Variants in RALYL observed in about 807,000 individuals in gnomAD.
RALYL encodes the protein RNA-binding Raly-like protein.
A neutral mutation model predicts 35.1 loss-of-function variants in RALYL; 29 were observed. The ratio of observed to expected loss-of-function variants is 0.83; its 90% CI spans 0.61 to 1.13. RALYL has a LOEUF of 1.13. Among genes scored for constraint, RALYL ranks in the 50% most tolerant of loss-of-function variants. The probability of loss-of-function intolerance (pLI) is 0.00; values close to 1 mark genes in which losing one functional copy is unlikely to be tolerated. For missense variants in RALYL, 359 were observed against 360.4 expected (o/e 1.00, Z 0.03); for synonymous variants, 120 against 127.6 (o/e 0.94, Z 0.40).
At chr8:84,260,997 T>C (rs1338482835) in intron 1 of RALYL, among the ~76,000 whole-genome samples, 1 of 152,180 alleles carries the variant, frequency 6.6e-6, no homozygotes, top group East Asian at 1.9e-4. Flanking sequence ...CTTGAATTTT[T>C]ATGATCTATA....
chr8:84,282,246 T>C (rs182754112), intron 1 of RALYL, among the ~76,000 whole-genome samples: 1 of 151,980 alleles, frequency 6.6e-6, no homozygotes, highest in Non-Finnish European at 1.5e-5. Flanking sequence ...AAATTATAAT[T>C]TTGTGTATGT....
intron 4 of RALYL, among the ~76,000 whole-genome samples, chr8:84,817,863 C>T (rs1044205297): frequency 6.6e-6 from 1 of 152,160 alleles, no homozygotes; most frequent in African/African-American, 2.4e-5. Flanking sequence ...TCATAACTAA[C>T]TCTTAACAGC....
At chr8:84,556,019 G>A (rs140405284) in intron 2 of RALYL, among the ~76,000 whole-genome samples, 169 of 152,278 alleles carry the variant, frequency 1.1e-3, no homozygotes, top group African/African-American at 3.9e-3. Context: ...TCTACAGCAT[G>A]TCTGTATGGT....
intron 2 of RALYL, among the ~76,000 whole-genome samples, chr8:84,708,069 T>C (rs1178899946): frequency 6.6e-6 from 1 of 152,116 alleles, no homozygotes; most frequent in Non-Finnish European, 1.5e-5. Context: ...AAAAATGAGA[T>C]AGTACATAAA....
chr8:84,494,407 A>T (rs941504704), intron 1 of RALYL, among the ~76,000 whole-genome samples: 1 of 152,096 alleles, frequency 6.6e-6, no homozygotes, highest in Non-Finnish European at 1.5e-5. Context: ...TTCCATATGA[A>T]TTTTAAAGTA....
chr8:84,701,470 C>CT (rs1840179228), intron 2 of RALYL, among the ~76,000 whole-genome samples: 1 of 152,156 alleles, frequency 6.6e-6, no homozygotes, highest in Non-Finnish European at 1.5e-5. Context: ...TCTATACACT[C>CT]TATATACAGT....
At chr8:84,656,426 A>G (rs1042226854) in intron 2 of RALYL, among the ~76,000 whole-genome samples, 1 of 152,192 alleles carries the variant, frequency 6.6e-6, no homozygotes, top group Non-Finnish European at 1.5e-5. Flanking sequence ...GGAAATATAG[A>G]GAGAAATAAT....
At chr8:84,492,751 A>G (rs191134678) in intron 1 of RALYL, among the ~76,000 whole-genome samples, 5 of 147,766 alleles carry the variant, frequency 3.4e-5, no homozygotes, top group South Asian at 4.1e-4. Flanking sequence ...GAATAAATAT[A>G]TCTTTCAAAA....
chr8:84,498,249 T>C lies in RALYL; in HGVS notation c.-23-31050T>C, dbSNP rs1334211344. ...AAAAGAGTTTTGCGGTCCAAATGAATATGCTCTCTTCAGCTTGCGAGTTGT... is the reference window on the plus strand; with the variant it reads ...AAAAGAGTTTTGCGGTCCAAATGAACATGCTCTCTTCAGCTTGCGAGTTGT... On this transcript the variant is annotated intron_variant, in intron 1 of 8. Transcript: ENST00000521268. 3.3e-5 allele frequency among the ~76,000 whole-genome samples: 5 copies of C among 152,020 alleles called. No homozygotes were observed. In the East Asian group the frequency reaches 7.8e-4, roughly 24 times the overall value.
rs974996804 is a variant in RALYL, at chr8:84,797,644, TA to T, written c.333-7117del. ...CCTTTGGAGAAAAAAAGTATGCAGT[TA>T]AAAAAAAAGAAGTCCTGTATTCCCT... On this transcript the variant is annotated intron_variant, in intron 3 of 8. Coordinates refer to ENST00000521268, the MANE Select transcript of RALYL (RefSeq NM_173848.7). Among the ~76,000 whole-genome samples the T allele has an allele frequency of 4.0e-5, 6 of 151,182 alleles. No homozygotes were observed. In the East Asian group the frequency reaches 5.8e-4, roughly 15 times the overall value.
chr8:84,503,130 AG>A (rs1554696252), intron 1 of RALYL, among the ~76,000 whole-genome samples: 1 of 151,976 alleles, frequency 6.6e-6, no homozygotes, highest in Non-Finnish European at 1.5e-5. Flanking sequence ...AAAGGCAAAA[AG>A]GGCCTCACTC....
Position 84,873,267 on chromosome 8 carries a change from TTCTTTC to T in RALYL, c.572-15_572-10del. On this transcript the variant is annotated splice_polypyrimidine_tract_variant and intron_variant, in intron 6 of 8. Coordinates refer to ENST00000521268, the MANE Select transcript of RALYL (RefSeq NM_173848.7). Reference sequence around the variant, plus strand: ...ATTTGATGCTCTGTTGTTTTCTTCCTTCTTTCTACTTTCCAGTGAAATCAGATGAGT... The same window carrying T: ...ATTTGATGCTCTGTTGTTTTCTTCCTTACTTTCCAGTGAAATCAGATGAGT... 1 of 1,429,186 alleles carries T rather than the reference TTCTTTC, an allele frequency of 7.0e-7. No homozygotes were observed. The highest frequency in any genetic ancestry group is 9.7e-7 in the Non-Finnish European group (1 of 1,031,618). The allele number at this position is 1,429,186 out of a possible 1,614,324, so 88.5% of individuals were successfully genotyped here.
At chr8:84,443,983 G>A (rs1330770905) in intron 1 of RALYL, among the ~76,000 whole-genome samples, 1 of 152,068 alleles carries the variant, frequency 6.6e-6, no homozygotes, top group Non-Finnish European at 1.5e-5. Context: ...CCAGAGGAGT[G>A]AATTTTTTGT....
At chr8:84,813,501 A>G (rs1390733161) in intron 4 of RALYL, among the ~76,000 whole-genome samples, 1 of 152,190 alleles carries the variant, frequency 6.6e-6, no homozygotes, top group Admixed American at 6.5e-5. Flanking sequence ...AGTGCATGGT[A>G]TATGGTTTAT....
chr8:84,369,723 G>A (rs2131398183), intron 1 of RALYL, among the ~76,000 whole-genome samples: 1 of 152,200 alleles, frequency 6.6e-6, no homozygotes, highest in South Asian at 2.1e-4. Flanking sequence ...TGATACTAGT[G>A]AATAAAGAAT....
chr8:84,642,944 C>T (rs1211985690), intron 2 of RALYL, among the ~76,000 whole-genome samples: 1 of 152,074 alleles, frequency 6.6e-6, no homozygotes, highest in African/African-American at 2.4e-5. Context: ...CTGCAAGTCA[C>T]CAGTTAAGGT....
intron 1 of RALYL, among the ~76,000 whole-genome samples, chr8:84,512,171 A>G (rs79268965): frequency 0.014 from 2,118 of 152,162 alleles, 44 homozygotes; most frequent in African/African-American, 0.047. Context: ...AGTGTATAAG[A>G]GTTCCCTTTT....
At chr8:84,897,921 A>T (rs540104196) in intron 8 of RALYL, among the ~76,000 whole-genome samples, 1 of 152,348 alleles carries the variant, frequency 6.6e-6, no homozygotes, top group Admixed American at 6.5e-5. Context: ...ATGTCACATA[A>T]GTCATACAAT....
chr8:84,494,807 T>G (rs1011877608), intron 1 of RALYL, among the ~76,000 whole-genome samples: 15 of 152,122 alleles, frequency 9.9e-5, no homozygotes, highest in Non-Finnish European at 1.5e-4. Flanking sequence ...GCTAAGATGA[T>G]GGAGTTTTCT....
Sources: allele counts gnomAD v4.1 joint callset (sites outside exome capture counted in the v4.1 genomes callset), GRCh38; gene constraint gnomAD v4.1.1; transcripts MANE v1.5; gene names NCBI Gene and HGNC (gene_info 2026-07-23, HGNC 2026-07-21).